Variants in NAALADL2 observed in about 807,000 individuals in gnomAD.
NAALADL2 encodes N-acetylated alpha-linked acidic dipeptidase like 2.
In NAALADL2, 76 loss-of-function variants were observed where a neutral mutation model predicts 87.2. The ratio of observed to expected loss-of-function variants is 0.87; its 90% CI spans 0.72 to 1.05. The LOEUF is 1.05. Ranked by LOEUF, NAALADL2 falls within the 50% of genes least tolerant of loss-of-function variation. The pLI is 0.00. For synonymous variants in NAALADL2, 354 were observed against 331.0 expected (o/e 1.07, Z -0.75); for missense variants, 1,089 against 945.8 (o/e 1.15, Z -1.99).
rs188091797 is a variant in NAALADL2 at position 175,592,852 on chromosome 3, C to T, written c.1800+16665C>T. 3.9e-3 allele frequency among the ~76,000 whole-genome samples: 593 copies of T among 151,598 alleles called. 2 individuals carry two copies. The highest frequency in any genetic ancestry group is 0.014 in the African/African-American group (568 of 41,272). ...CATGTATACATATGTAACTAACCTG[C>T]ACATTGTGCACATGTACCCTAAAAC... is the stretch of plus-strand genomic sequence containing the variant. On this transcript the variant is annotated intron_variant, in intron 10 of 13. Coordinates refer to ENST00000454872, the MANE Select transcript of NAALADL2 (RefSeq NM_207015.3).
chr3:175,606,579 A>G (rs998651426), intron 10 of NAALADL2, among the ~76,000 whole-genome samples: 1 of 152,162 alleles, frequency 6.6e-6, no homozygotes, highest in African/African-American at 2.4e-5. Context: ...AGCTGAAACC[A>G]CTAGCTATTC....
intron 1 of NAALADL2, among the ~76,000 whole-genome samples, chr3:174,523,869 A>T (rs56942934): frequency 0.02 from 3,055 of 152,204 alleles, 107 homozygotes; most frequent in African/African-American, 0.063. Flanking sequence ...GTTGTATAAC[A>T]TTATTTTGCT....
At chr3:175,277,065 C>T (rs1047443832) in intron 4 of NAALADL2, among the ~76,000 whole-genome samples, 15 of 152,036 alleles carry the variant, frequency 9.9e-5, no homozygotes, top group Admixed American at 6.6e-4. Flanking sequence ...GACATGTTGA[C>T]GCCAATATAT....
intron 9 of NAALADL2, among the ~76,000 whole-genome samples, chr3:175,559,844 TG>T (rs1394251447): frequency 2.0e-5 from 3 of 152,240 alleles, no homozygotes; most frequent in African/African-American, 7.2e-5. Flanking sequence ...GCTAGTGTTT[TG>T]TTGTGGATTA....
At chr3:175,615,812 G>A (rs1471326708) in intron 10 of NAALADL2, among the ~76,000 whole-genome samples, 1 of 150,694 alleles carries the variant, frequency 6.6e-6, no homozygotes, top group Non-Finnish European at 1.5e-5. Context: ...AGCCCAGATT[G>A]CACCACTGCA....
At chr3:174,647,982 C>T (rs1723968876) in intron 2 of NAALADL2, among the ~76,000 whole-genome samples, 1 of 152,078 alleles carries the variant, frequency 6.6e-6, no homozygotes, top group African/African-American at 2.4e-5. Flanking sequence ...CCTATGCAAA[C>T]TATAGTCCTG....
At position 175,598,052 on chromosome 3, in the gene NAALADL2, ATAT is replaced by A. The variant is rs1269460933; in HGVS notation, c.1800+21870_1800+21872del. Among the ~76,000 whole-genome samples, 13 of 152,108 alleles carry A rather than the reference ATAT, an allele frequency of 8.5e-5. No homozygotes were observed. In the South Asian group the frequency reaches 1.7e-3, roughly 19 times the overall value. ...ATACGTTGTATTATGTATCTTCCAAATATTATTCTATGTAATGAGGGGCATAGC... is the reference window on the plus strand; with the variant it reads ...ATACGTTGTATTATGTATCTTCCAAATATTCTATGTAATGAGGGGCATAGC... On this transcript the variant is annotated intron_variant, in intron 10 of 13. Transcript: ENST00000454872.
chr3:175,664,551 T>C (rs912055646), intron 11 of NAALADL2, among the ~76,000 whole-genome samples: 2 of 152,134 alleles, frequency 1.3e-5, no homozygotes, highest in East Asian at 1.9e-4. Flanking sequence ...ACCACACAGA[T>C]TGAACATCTG....
At chr3:175,342,689 AT>A in intron 5 of NAALADL2, among the ~76,000 whole-genome samples, 1 of 152,146 alleles carries the variant, frequency 6.6e-6, no homozygotes, top group East Asian at 1.9e-4. Context: ...TGACTAAAAA[AT>A]AGCAATAAAT....
chr3:175,717,162 C>T (rs1312694358), intron 11 of NAALADL2, among the ~76,000 whole-genome samples: 3 of 152,064 alleles, frequency 2.0e-5, no homozygotes, highest in Admixed American at 2.0e-4. Flanking sequence ...GTATCTTGGC[C>T]TCAAGTGATC....
In NAALADL2 at chr3:175,006,891, C is replaced by G. The variant is rs4348006; in HGVS notation, c.44-89899C>G. Among the ~76,000 whole-genome samples the G allele has an allele frequency of 6.6e-5, 10 of 150,798 alleles. No individual in the cohort carries two copies. The East Asian group carries it at 2.0e-3, about 29-fold the overall frequency. ...AGCGTATGACTTATGCATTCTTATA[C>G]GTATATAGCTTTGTAAGGAGGAGTA... On this transcript the variant is annotated intron_variant, in intron 1 of 13. Transcript: ENST00000454872.
At chr3:175,242,514 C>T (rs1471109275) in intron 3 of NAALADL2, 1 of 152,162 alleles carries the variant, frequency 6.6e-6, no homozygotes, top group African/African-American at 2.4e-5. Context: ...TTCACAGTCT[C>T]CAGGAAGAAT....
intron 4 of NAALADL2, among the ~76,000 whole-genome samples, chr3:175,266,249 A>G (rs1751914900): frequency 6.6e-6 from 1 of 151,150 alleles, no homozygotes; most frequent in Non-Finnish European, 1.5e-5. Context: ...ACCATCTAAC[A>G]TCTTAATTAT....
At chr3:175,189,890 T>G (rs1480435556) in intron 2 of NAALADL2, among the ~76,000 whole-genome samples, 1 of 151,966 alleles carries the variant, frequency 6.6e-6, no homozygotes, top group Non-Finnish European at 1.5e-5. Flanking sequence ...AAAAAGACAG[T>G]GAAACAAAAT....
At chr3:174,469,974 T>G (rs1375439779) in intron 1 of NAALADL2, among the ~76,000 whole-genome samples, 1 of 151,594 alleles carries the variant, frequency 6.6e-6, no homozygotes, top group African/African-American at 2.4e-5. Flanking sequence ...ACTTTGAAAG[T>G]TTTTTTTTAA....
At chr3:175,351,453 G>C (rs1445753544) in intron 5 of NAALADL2, among the ~76,000 whole-genome samples, 1 of 126,028 alleles carries the variant, frequency 7.9e-6, no homozygotes, top group Non-Finnish European at 1.8e-5. Flanking sequence ...GTCCAAACAA[G>C]TATTTTCCAA....
At chr3:174,610,632 G>C (rs1326581026) in intron 2 of NAALADL2, among the ~76,000 whole-genome samples, 1 of 152,056 alleles carries the variant, frequency 6.6e-6, no homozygotes, top group Admixed American at 6.5e-5. Flanking sequence ...TCTCACACCA[G>C]TTAGAATGGC....
intron 13 of NAALADL2, among the ~76,000 whole-genome samples, chr3:175,769,172 T>C (rs2150172579): frequency 6.6e-6 from 1 of 152,310 alleles, no homozygotes; most frequent in South Asian, 2.1e-4. Context: ...CTGATTCCAT[T>C]ATACTTATTA....
intron 3 of NAALADL2, among the ~76,000 whole-genome samples, chr3:174,805,407 G>T (rs1160832224): frequency 6.6e-6 from 1 of 151,936 alleles, no homozygotes; most frequent in Non-Finnish European, 1.5e-5. Flanking sequence ...TTTGTTTAAT[G>T]TAGCACATCG....
Sources: allele counts gnomAD v4.1 joint callset (sites outside exome capture counted in the v4.1 genomes callset), GRCh38; gene constraint gnomAD v4.1.1; transcripts MANE v1.5; gene names NCBI Gene and HGNC (gene_info 2026-07-23, HGNC 2026-07-21).